PARD3B: variants seen among roughly 807,000 people sequenced by gnomAD.
PARD3B encodes the protein partitioning defective 3 homolog B.
PARD3B carries 103 observed loss-of-function variants against 130.2 expected under a neutral mutation model. The observed-to-expected ratio is 0.79, with a 90% CI of 0.67 to 0.93. The LOEUF (loss-of-function observed/expected upper bound fraction) is 0.93. Ranked by LOEUF, PARD3B falls within the 40% of genes least tolerant of loss-of-function variation. The pLI is 0.00. For synonymous variants in PARD3B, 583 were observed against 553.2 expected, an observed-to-expected ratio of 1.05 and a Z score of -0.76; for missense variants, 1,609 against 1,499.2, an observed-to-expected ratio of 1.07 and a Z score of -1.21.
intron 3 of PARD3B, among the ~76,000 whole-genome samples, chr2:205,009,897 A>G (rs1284319647): frequency 6.6e-6 from 1 of 152,148 alleles, no homozygotes; most frequent in Non-Finnish European, 1.5e-5. Context: ...TTCAGATTAA[A>G]TATGTTTCAG....
At chr2:204,864,662 A>G (rs1402418923) in intron 2 of PARD3B, among the ~76,000 whole-genome samples, 4 of 152,144 alleles carry the variant, frequency 2.6e-5, no homozygotes, top group African/African-American at 7.2e-5. Context: ...ATTCGTTACT[A>G]TCTGAACCAA....
At chr2:205,332,632 G>A (rs1339998407) in intron 18 of PARD3B, among the ~76,000 whole-genome samples, 3 of 152,162 alleles carry the variant, frequency 2.0e-5, no homozygotes, top group Admixed American at 1.3e-4. Flanking sequence ...CTTTTGAGGG[G>A]TTTGAGAGGG....
intron 2 of PARD3B, among the ~76,000 whole-genome samples, chr2:204,869,355 C>A (rs10165404): frequency 6.6e-6 from 1 of 152,064 alleles, no homozygotes; most frequent in African/African-American, 2.4e-5. Flanking sequence ...GATTTTGATA[C>A]GAGTGATTCA....
intron 1 of PARD3B, among the ~76,000 whole-genome samples, chr2:204,604,588 A>C (rs2125108930): frequency 6.6e-6 from 1 of 152,262 alleles, no homozygotes; most frequent in East Asian, 1.9e-4. Context: ...TGAGTATTTA[A>C]ACTTTAATGT....
intron 21 of PARD3B, among the ~76,000 whole-genome samples, chr2:205,547,032 GT>G (rs1425356978): frequency 6.6e-6 from 1 of 151,994 alleles, no homozygotes; most frequent in Admixed American, 6.6e-5. Context: ...GATTAAATCT[GT>G]TTTTTTGGAT....
At chr2:205,406,831 C>T (rs1170953939) in intron 19 of PARD3B, among the ~76,000 whole-genome samples, 1 of 151,822 alleles carries the variant, frequency 6.6e-6, no homozygotes, top group African/African-American at 2.4e-5. Context: ...CCACCATGCC[C>T]AGCTAATTTT....
chr2:205,581,837 A>G (rs2054002186), intron 22 of PARD3B, among the ~76,000 whole-genome samples: 2 of 152,140 alleles, frequency 1.3e-5, no homozygotes, highest in Non-Finnish European at 1.5e-5. Flanking sequence ...AGTAGGCATA[A>G]CTCCAATTTT....
intron 2 of PARD3B, among the ~76,000 whole-genome samples, chr2:204,730,834 C>G (rs759895406): frequency 2.8e-4 from 42 of 152,182 alleles, no homozygotes; most frequent in Non-Finnish European, 5.4e-4. Flanking sequence ...ATCCCTTTAT[C>G]TGTGCCATCT....
chr2:204,613,317 C>T (rs1301919386), intron 1 of PARD3B, among the ~76,000 whole-genome samples: 1 of 152,002 alleles, frequency 6.6e-6, no homozygotes, highest in African/African-American at 2.4e-5. Flanking sequence ...TTGAGAAGGC[C>T]ACCTTTTACC....
At chr2:204,820,688 G>A (rs6757142) in intron 2 of PARD3B, among the ~76,000 whole-genome samples, 11,934 of 151,850 alleles carry the variant, frequency 0.079, 688 homozygotes, top group African/African-American at 0.16. Flanking sequence ...GGTGGTGGGT[G>A]CCTATAATCC....
At position 204,568,167 on chromosome 2, in the gene PARD3B, C is replaced by G. The variant is rs996717092; in HGVS notation, c.120+22048C>G. Among the ~76,000 whole-genome samples, 3 of 152,166 alleles carry G rather than the reference C, an allele frequency of 2.0e-5. No individual in the cohort carries two copies. In the East Asian group the frequency reaches 5.8e-4, roughly 29 times the overall value. On this transcript the variant is annotated intron_variant, in intron 1 of 22. Transcript: ENST00000406610. ...ATTGGGATACCTAGGGGTTTGTAGA[C>G]CATACCTGAAGAACTGCTTGATGAA...
At chr2:204,649,053 A>G (rs910866836) in intron 1 of PARD3B, among the ~76,000 whole-genome samples, 2 of 126,780 alleles carry the variant, frequency 1.6e-5, no homozygotes, top group Non-Finnish European at 3.2e-5. Context: ...TCATATAAAT[A>G]ATATATATTT....
At chr2:205,180,808 T>C (rs1363348521) in intron 13 of PARD3B, among the ~76,000 whole-genome samples, 2 of 152,156 alleles carry the variant, frequency 1.3e-5, no homozygotes, top group Admixed American at 1.3e-4. Flanking sequence ...ACTGAAGAAT[T>C]GCTAGCAATG....
intron 2 of PARD3B, among the ~76,000 whole-genome samples, chr2:204,709,380 C>A (rs1036757786): frequency 2.6e-5 from 4 of 152,214 alleles, no homozygotes; most frequent in African/African-American, 9.6e-5. Context: ...TGTGGAATTT[C>A]TGTGAGTTTC....
chr2:204,895,245 G>A (rs2046598886), intron 2 of PARD3B, among the ~76,000 whole-genome samples: 1 of 152,042 alleles, frequency 6.6e-6, no homozygotes, highest in African/African-American at 2.4e-5. Context: ...GCTGTATATG[G>A]TTTTTGAATC....
At chr2:204,553,565 T>C (rs2030634530) in intron 1 of PARD3B, among the ~76,000 whole-genome samples, 3 of 133,898 alleles carry the variant, frequency 2.2e-5, no homozygotes, top group Admixed American at 1.6e-4. Context: ...TGTGTGTATA[T>C]ATATATATGT....
chr2:204,546,108 A>G lies in PARD3B; in HGVS notation c.109A>G (p.Thr37Ala). 6.4e-7 allele frequency: 1 copy of G among 1,555,340 alleles called. No individual in the cohort carries two copies. The highest frequency in any genetic ancestry group is 8.7e-7 in the Non-Finnish European group (1 of 1,149,678). Reference sequence around the variant, plus strand: ...GCAGGCGCTGCAGCGGTACCTGAAGACCCGGGAGAAGGTGAGCGCGGCGCG... The same window carrying G: ...GCAGGCGCTGCAGCGGTACCTGAAGGCCCGGGAGAAGGTGAGCGCGGCGCG... ...TQQALQRYLKTREKGPGYWVK... is the reference protein window; with the variant it reads ...TQQALQRYLKAREKGPGYWVK... Residue 37 changes from threonine to alanine, a missense_variant, in exon 1 of 23, where the codon ACC becomes GCC. Physicochemically the swap from Thr to Ala is moderately conservative, Grantham distance 58. Transcript: ENST00000406610.
At chr2:205,098,138 G>A (rs1466451735) in intron 4 of PARD3B, among the ~76,000 whole-genome samples, 3 of 152,064 alleles carry the variant, frequency 2.0e-5, no homozygotes, top group African/African-American at 7.2e-5. Context: ...TTTACATTAT[G>A]ATTATGTATG....
At chr2:204,784,300 C>G (rs1219123229) in intron 2 of PARD3B, among the ~76,000 whole-genome samples, 1 of 152,090 alleles carries the variant, frequency 6.6e-6, no homozygotes, top group Non-Finnish European at 1.5e-5. Flanking sequence ...TCAGTTAGAT[C>G]TTTACTAAAT....
Sources: gnomAD v4.1 joint callset for allele counts (sites outside exome capture counted in the v4.1 genomes callset) on GRCh38, gnomAD v4.1.1 for gene constraint, MANE v1.5 for transcripts, NCBI Gene and HGNC (gene_info 2026-07-23, HGNC 2026-07-21) for gene names.